PRUNE1: variants seen among roughly 807,000 people sequenced by gnomAD.
PRUNE1 encodes exopolyphosphatase PRUNE1.
Under a neutral mutation model 42.5 loss-of-function variants are expected in PRUNE1, and 25 were observed. The ratio of observed to expected loss-of-function variants is 0.59; its 90% confidence interval spans 0.43 to 0.82. The LOEUF is 0.82. Among genes scored for constraint, PRUNE1 ranks in the 40% least tolerant of loss-of-function variants. PRUNE1 has a pLI of 0.00. For synonymous variants in PRUNE1, 203 were observed against 217.1 expected (o/e 0.93, Z 0.57); for missense variants, 443 against 539.3 (o/e 0.82, Z 1.77).
chr1:151,021,472 T>A (rs189145988), intron 3 of PRUNE1, among the ~76,000 whole-genome samples: 38 of 152,226 alleles, frequency 2.5e-4, no homozygotes, highest in Non-Finnish European at 4.7e-4. Flanking sequence ...AAATTTTTTT[T>A]AATCTATAAA....
chr1:151,028,639 G>GTCTCGAAC, intron 6 of PRUNE1, 147 bp from the exon 7 acceptor site: 1 of 740,744 alleles, frequency 1.3e-6, no homozygotes, highest in Non-Finnish European at 2.2e-6. Context: ...GGCTAGGCTG[G>GTCTCGAAC]TCTCGAACTC....
chr1:151,008,452 C>G lies in PRUNE1; in HGVS notation c.-181C>G. On this transcript the variant is annotated 5_prime_UTR_variant, in exon 1 of 8. Coordinates refer to ENST00000271620, the MANE Select transcript of PRUNE1 (RefSeq NM_021222.3). The stretch of plus-strand genomic sequence containing the variant: ...GGGCGACGCCGGACTCCGGAGCGCC[C>G]GCTTACGCAGTTCCTCCCGGGGTCG... 2 of 1,074,600 alleles carry G rather than the reference C, an allele frequency of 1.9e-6. No homozygotes were observed. The highest frequency in any genetic ancestry group is 1.4e-6 in the Non-Finnish European group (1 of 736,896). The allele number at this position is 1,074,600 out of a possible 1,614,324, so 66.6% of individuals were successfully genotyped here.
At position 151,025,645 on chromosome 1, in the gene PRUNE1, C is replaced by T. The variant is rs1571802247; in HGVS notation, c.651C>T (p.Ser217=). Residue 217 remains serine, a synonymous_variant, in exon 5 of 8, where the codon TCC becomes TCT. Transcript: ENST00000271620. ...CCAAGAGAAATGATATATTTGATTC[C>T]CTACAAAAGGCAAAGTTTGATGTAT... ...DLPKRNDIFD[S]LQKAKFDVSG... is the part of the protein sequence containing the mutation. 2 of 1,613,592 alleles carry T rather than the reference C, an allele frequency of 1.2e-6. No homozygotes were observed. Among genetic ancestry groups the T allele is most frequent in the East Asian group, 4.5e-5 (2 of 44,868 alleles).
chr1:151,011,871 C>T (rs587761523), intron 1 of PRUNE1, among the ~76,000 whole-genome samples: 1 of 151,966 alleles, frequency 6.6e-6, no homozygotes, highest in Non-Finnish European at 1.5e-5. Context: ...CTCCGCCTGC[C>T]AGGTTCAAGT....
intron 7 of PRUNE1, among the ~76,000 whole-genome samples, chr1:151,032,564 A>AT: frequency 6.6e-6 from 1 of 151,690 alleles, no homozygotes; most frequent in African/African-American, 2.4e-5. Context: ...AAATACAAAC[A>AT]TTAGCCAGGC....
intron 1 of PRUNE1, among the ~76,000 whole-genome samples, chr1:151,010,455 G>A (rs1373214479): frequency 6.6e-6 from 1 of 151,944 alleles, no homozygotes; most frequent in African/African-American, 2.4e-5. Context: ...CTGGCATCTC[G>A]ACCTTTCTCT....
At chr1:151,018,014 C>G (rs1674208095) in intron 2 of PRUNE1, 110 bp downstream of exon 2, 1 of 744,174 alleles carries the variant, frequency 1.3e-6, no homozygotes, top group Non-Finnish European at 2.3e-6. Context: ...TAAATTAAAT[C>G]CCTTAACTTT....
chr1:151,010,439 A>G (rs1049416993), intron 1 of PRUNE1, among the ~76,000 whole-genome samples: 6 of 152,128 alleles, frequency 3.9e-5, no homozygotes, highest in Non-Finnish European at 8.8e-5. Context: ...GATTTTTCCA[A>G]TACTGCTGGC....
At chr1:151,028,674 C>T (rs1341972954) in intron 6 of PRUNE1, 112 bp from the exon 7 acceptor site, 15 of 1,095,338 alleles carry the variant, frequency 1.4e-5, no homozygotes, top group South Asian at 7.6e-5. Context: ...TCACCTGCCT[C>T]GGCCTCCCAA....
At chr1:151,032,217 C>T (rs1029745478) in intron 7 of PRUNE1, among the ~76,000 whole-genome samples, 1 of 150,680 alleles carries the variant, frequency 6.6e-6, no homozygotes, top group African/African-American at 2.4e-5. Context: ...TGTACTCCAG[C>T]CTGGGTAACA....
chr1:151,029,021 C>T lies in PRUNE1; in HGVS notation c.933+77C>T. The T allele has an allele frequency of 2.1e-6, 3 of 1,425,676 alleles. No individual in the cohort carries two copies. In the South Asian group the frequency reaches 3.9e-5, roughly 18 times the overall value. The allele number at this position is 1,425,676 out of a possible 1,614,324, so 88.3% of individuals were successfully genotyped here. On this transcript the variant is annotated intron_variant, in intron 7 of 7. Transcript: ENST00000271620. ...TGTACCTCTGTGCTCTACAGCTGTC[C>T]TATAAGGACCTCTCTTAGGTTCTTA...
chr1:151,019,363 G>A (rs1425381632), intron 3 of PRUNE1, among the ~76,000 whole-genome samples: 3 of 151,826 alleles, frequency 2.0e-5, no homozygotes, highest in East Asian at 1.9e-4. Flanking sequence ...TTCAAGACCC[G>A]CCTGAGCAAC....
chr1:151,017,240 G>A (rs1180945144), intron 1 of PRUNE1, among the ~76,000 whole-genome samples: 1 of 152,062 alleles, frequency 6.6e-6, no homozygotes, highest in East Asian at 1.9e-4. Flanking sequence ...AGTGCCCAAA[G>A]AAGATAAGAA....
intron 7 of PRUNE1, 47 bp downstream of exon 7, chr1:151,028,991 C>T (rs749477742): frequency 4.9e-5 from 75 of 1,542,542 alleles, no homozygotes; most frequent in Non-Finnish European, 6.7e-5. Context: ...CAGAGTCTGC[C>T]TGTATGTACC....
At chr1:151,011,722 C>T (rs1237765802) in intron 1 of PRUNE1, among the ~76,000 whole-genome samples, 2 of 152,038 alleles carry the variant, frequency 1.3e-5, no homozygotes, top group African/African-American at 4.8e-5. Flanking sequence ...AAGAACATAT[C>T]AGGATAAGAG....
chr1:151,035,604 A>G lies in PRUNE1; in HGVS notation c.*1370A>G, dbSNP rs115547458. On this transcript the variant is annotated 3_prime_UTR_variant, in exon 8 of 8. Transcript: ENST00000271620. The stretch of plus-strand genomic sequence containing the variant: ...CTTTGAGGGTGTGATGTCTGTAGCT[A>G]TGTGGAAGGTAAAAATAGTGGTGTG... The G allele has an allele frequency of 1.9e-4, 29 of 152,764 alleles. No individual in the cohort carries two copies. Among genetic ancestry groups the G allele is most frequent in the African/African-American group, 7.0e-4 (29 of 41,572 alleles). 9.5% of individuals were successfully genotyped at this position (152,764 alleles called of 1,614,324 possible). A position where few individuals can be genotyped will look rare whatever the true frequency, so the allele number is the denominator to read the frequency against.
At chr1:151,017,949 GA>G (rs780824069) in intron 2 of PRUNE1, 45 bp downstream of exon 2, 1 of 1,346,832 alleles carries the variant, frequency 7.4e-7, no homozygotes, top group South Asian at 1.2e-5. Flanking sequence ...CCCTCAGAAC[GA>G]AAAGATCTGG....
At chr1:151,015,790 G>GTAAAAGTTAC (rs1339812205) in intron 1 of PRUNE1, among the ~76,000 whole-genome samples, 4 of 151,908 alleles carry the variant, frequency 2.6e-5, no homozygotes, top group African/African-American at 7.3e-5. Context: ...GTTACAGAGT[G>GTAAAAGTTAC]AGACCCTGTC....
At chr1:151,017,542 T>C (rs1674180083) in intron 1 of PRUNE1, among the ~76,000 whole-genome samples, 1 of 151,974 alleles carries the variant, frequency 6.6e-6, no homozygotes, top group South Asian at 2.1e-4. Context: ...GAGACCAGCC[T>C]GTGCAACATG....
Sources: gnomAD v4.1 joint callset for allele counts (sites outside exome capture counted in the v4.1 genomes callset) on GRCh38, gnomAD v4.1.1 for gene constraint, MANE v1.5 for transcripts, NCBI Gene and HGNC (gene_info 2026-07-23, HGNC 2026-07-21) for gene names.